The following MROH9 variants were observed in gnomAD, a reference collection of about 807,000 sequenced individuals.
MROH9 encodes maestro heat like repeat family member 9.
MROH9 carries 92 observed loss-of-function variants against 98.2 expected under a neutral mutation model. The ratio of observed to expected loss-of-function variants is 0.94; its 90% CI spans 0.79 to 1.11. MROH9 has a LOEUF of 1.11. Ranked by LOEUF, MROH9 falls within the 50% of genes most tolerant of loss-of-function variation. MROH9 has a pLI of 0.00. For synonymous variants in MROH9, 397 were observed against 368.9 expected (o/e 1.08, Z -0.87); for missense variants, 1,057 against 1,014.8 (o/e 1.04, Z -0.57).
chr1:170,977,239 T>C (rs557796234), intron 8 of MROH9, among the ~76,000 whole-genome samples: 1 of 152,316 alleles, frequency 6.6e-6, no homozygotes, highest in Non-Finnish European at 1.5e-5. Flanking sequence ...ATTTCTGTCA[T>C]TTCAGTCAAT....
chr1:171,012,118 C>G (rs1652175544), intron 15 of MROH9, among the ~76,000 whole-genome samples: 1 of 151,776 alleles, frequency 6.6e-6, no homozygotes, highest in African/African-American at 2.4e-5. Context: ...TTGTTGTCAT[C>G]CTATTGAGTG....
intron 8 of MROH9, among the ~76,000 whole-genome samples, chr1:170,981,161 G>T (rs1188480051): frequency 6.6e-6 from 1 of 152,182 alleles, no homozygotes; most frequent in East Asian, 1.9e-4. Flanking sequence ...TACACTGTTG[G>T]TGGGAATGTA....
chr1:171,052,629 G>T (rs887150406), intron 20 of MROH9, among the ~76,000 whole-genome samples: 4 of 152,174 alleles, frequency 2.6e-5, no homozygotes, highest in African/African-American at 9.7e-5. Context: ...AAAATGCCTA[G>T]AAATGTGCCC....
chr1:171,043,405 T>A (rs936592129), intron 20 of MROH9, among the ~76,000 whole-genome samples: 4 of 152,174 alleles, frequency 2.6e-5, no homozygotes, highest in Non-Finnish European at 5.9e-5. Context: ...TGAAATCAGG[T>A]AATGTGATTC....
At chr1:170,940,182 A>G (rs1055724416) in intron 1 of MROH9, among the ~76,000 whole-genome samples, 1 of 152,166 alleles carries the variant, frequency 6.6e-6, no homozygotes, top group Non-Finnish European at 1.5e-5. Flanking sequence ...CAGATGCAAC[A>G]AGTTACCTTT....
At chr1:170,953,584 T>C (rs1649638864) in intron 3 of MROH9, among the ~76,000 whole-genome samples, 1 of 152,068 alleles carries the variant, frequency 6.6e-6, no homozygotes, top group South Asian at 2.1e-4. Flanking sequence ...TAAAGTCTTG[T>C]AGCATTGGCC....
chr1:171,063,650 C>T (rs1391247253), intron 21 of MROH9, among the ~76,000 whole-genome samples: 1 of 152,172 alleles, frequency 6.6e-6, no homozygotes, highest in African/African-American at 2.4e-5. Context: ...ATATAAACAT[C>T]TTTCTAAGCC....
chr1:171,061,947 T>C (rs1006109752), intron 20 of MROH9, among the ~76,000 whole-genome samples, 185 bp from the exon 21 acceptor site: 2 of 152,202 alleles, frequency 1.3e-5, no homozygotes, highest in African/African-American at 4.8e-5. Context: ...CATGCACATT[T>C]ATACTCTCAT....
chr1:171,035,977 T>G (rs1653086374), intron 20 of MROH9, among the ~76,000 whole-genome samples: 1 of 152,164 alleles, frequency 6.6e-6, no homozygotes, highest in Non-Finnish European at 1.5e-5. Flanking sequence ...GCAGCATTAC[T>G]AGTTATAACC....
intron 15 of MROH9, among the ~76,000 whole-genome samples, chr1:171,012,266 T>C (rs946743512): frequency 6.6e-6 from 1 of 151,998 alleles, no homozygotes; most frequent in Non-Finnish European, 1.5e-5. Flanking sequence ...TATCACAAAT[T>C]TTTGAAGTGC....
At chr1:170,971,137 TA>T (rs1452509969) in intron 7 of MROH9, among the ~76,000 whole-genome samples, 2 of 152,160 alleles carry the variant, frequency 1.3e-5, no homozygotes, top group African/African-American at 2.4e-5. Flanking sequence ...AGAGGTCCAT[TA>T]AGGTGAAAAT....
intron 20 of MROH9, 100 bp downstream of exon 20, chr1:171,025,520 T>A: frequency 1.4e-6 from 1 of 735,118 alleles, no homozygotes; most frequent in Non-Finnish European, 2.3e-6. Flanking sequence ...TGTCTCTGTT[T>A]ATGAGGGACA....
intron 1 of MROH9, among the ~76,000 whole-genome samples, chr1:170,939,268 C>A (rs764389333): frequency 8.5e-5 from 13 of 152,344 alleles, no homozygotes; most frequent in Non-Finnish European, 1.2e-4. Context: ...TATATAATCA[C>A]ACATCTGGCT....
intron 17 of MROH9, among the ~76,000 whole-genome samples, chr1:171,020,549 G>A (rs1414629382): frequency 2.6e-5 from 4 of 152,084 alleles, no homozygotes; most frequent in African/African-American, 9.7e-5. Flanking sequence ...AAAGGCCTTC[G>A]ATAAAATTCA....
At chr1:171,034,740 C>T (rs1220629545) in intron 20 of MROH9, among the ~76,000 whole-genome samples, 2 of 151,852 alleles carry the variant, frequency 1.3e-5, no homozygotes, top group African/African-American at 4.8e-5. Flanking sequence ...TAGCAAAAGG[C>T]CAAGATACTC....
chr1:171,002,715 C>T (rs889070681), intron 15 of MROH9, among the ~76,000 whole-genome samples: 2 of 152,092 alleles, frequency 1.3e-5, no homozygotes, highest in African/African-American at 2.4e-5. Flanking sequence ...TTGGGTAACC[C>T]GATGACAATG....
At position 170,953,410 on chromosome 1, in the gene MROH9, CA is replaced by C. The variant is rs142001503; in HGVS notation, c.73-5042del. On this transcript the variant is annotated intron_variant, in intron 3 of 21. Transcript: ENST00000367759. ...ATGGTTTCCGTGTTGCATCTAAAAA[CA>C]AAAAAAAACTTTTCCTAACCAAAAA... Among the ~76,000 whole-genome samples, 1,073 of 150,530 alleles carry C rather than the reference CA, an allele frequency of 7.1e-3. 7 individuals carry two copies. Among genetic ancestry groups the C allele is most frequent in the South Asian group, 0.012 (56 of 4,778 alleles).
chr1:171,019,615 C>A (rs529639922), intron 17 of MROH9, among the ~76,000 whole-genome samples: 1 of 151,882 alleles, frequency 6.6e-6, no homozygotes, highest in South Asian at 2.1e-4. Context: ...CACACCACTG[C>A]ACTCCAGTCT....
intron 2 of MROH9, among the ~76,000 whole-genome samples, chr1:170,947,067 T>C (rs1263494452): frequency 6.6e-6 from 1 of 151,990 alleles, no homozygotes; most frequent in Non-Finnish European, 1.5e-5. Context: ...AACACTTCTA[T>C]TTATTTTCTA....
Sources: allele counts gnomAD v4.1 joint callset (sites outside exome capture counted in the v4.1 genomes callset), GRCh38; gene constraint gnomAD v4.1.1; transcripts MANE v1.5; gene names NCBI Gene and HGNC (gene_info 2026-07-23, HGNC 2026-07-21).